The following DOK5 variants were observed in gnomAD, a reference collection of about 807,000 sequenced individuals.
DOK5 encodes downstream of tyrosine kinase 5.
DOK5 carries 27 observed loss-of-function variants against 43.3 expected under a neutral mutation model. That is an observed-to-expected ratio of 0.62 (90% confidence interval 0.46 to 0.86). The LOEUF (loss-of-function observed/expected upper bound fraction) is 0.86. Ranked by LOEUF, DOK5 falls within the 40% of genes least tolerant of loss-of-function variation. The pLI is 0.00. For missense variants in DOK5, 373 were observed against 392.9 expected, an observed-to-expected ratio of 0.95 and a Z score of 0.43; for synonymous variants, 146 against 140.1, an observed-to-expected ratio of 1.04 and a Z score of -0.30.
intron 6 of DOK5, among the ~76,000 whole-genome samples, chr20:54,642,395 C>T (rs1979161354): frequency 6.6e-6 from 1 of 152,002 alleles, no homozygotes; most frequent in African/African-American, 2.4e-5. Context: ...ACACCCAACA[C>T]AAGTCAGTTT....
chr20:54,566,124 C>A lies in DOK5; in HGVS notation c.174+11084C>A, dbSNP rs562948737. Among the ~76,000 whole-genome samples the A allele has an allele frequency of 5.3e-5, 8 of 150,906 alleles. No individual in the cohort carries two copies. The South Asian group carries it at 6.3e-4, about 12-fold the overall frequency. ...TCCCACCCCACCACCCCAGCAGGCACTAATTTGTTTCCCATTTCTACAGTT... is the reference window on the plus strand; with the variant it reads ...TCCCACCCCACCACCCCAGCAGGCAATAATTTGTTTCCCATTTCTACAGTT... On this transcript the variant is annotated intron_variant, in intron 2 of 7. Transcript: ENST00000262593.
chr20:54,475,616 G>T lies in DOK5; in HGVS notation c.-331G>T. ...TCCTTCTTCTCCTCCTTCTCGGCCG[G>T]GAGGAGGCAGGGCTGGATCCCTCAG... On this transcript the variant is annotated 5_prime_UTR_variant, in exon 1 of 8. Transcript: ENST00000262593. The surrounding 1 kb of genome is among the most constrained non-coding windows in gnomAD (Gnocchi z 4.2). The T allele has an allele frequency of 2.5e-6, 1 of 396,740 alleles. No individual in the cohort carries two copies. The highest frequency in any genetic ancestry group is 4.6e-6 in the Non-Finnish European group (1 of 219,512). The allele number at this position is 396,740 out of a possible 1,614,324, so 24.6% of individuals were successfully genotyped here.
At chr20:54,548,175 A>T (rs1031071212) in intron 1 of DOK5, among the ~76,000 whole-genome samples, 1 of 152,212 alleles carries the variant, frequency 6.6e-6, no homozygotes, top group African/African-American at 2.4e-5. Context: ...TCAACATGGA[A>T]GTTATACTAT....
intron 2 of DOK5, among the ~76,000 whole-genome samples, chr20:54,568,952 T>G (rs1179757350): frequency 1.9e-5 from 1 of 53,562 alleles, no homozygotes; most frequent in Non-Finnish European, 3.8e-5. Flanking sequence ...AATAAATAAA[T>G]AAACGTTTCT....
chr20:54,584,549 A>G (rs1043076642), intron 2 of DOK5, among the ~76,000 whole-genome samples: 3 of 151,152 alleles, frequency 2.0e-5, no homozygotes, highest in Non-Finnish European at 4.4e-5. Flanking sequence ...TTATCTTTTT[A>G]CTTCTATATC....
intron 1 of DOK5, among the ~76,000 whole-genome samples, chr20:54,520,341 G>T (rs1043611141): frequency 3.3e-5 from 5 of 152,082 alleles, no homozygotes; most frequent in Non-Finnish European, 7.4e-5. Flanking sequence ...TACCCCTGTT[G>T]TTTCCACTCT....
chr20:54,591,831 A>G (rs1985987053), intron 5 of DOK5, 26 bp downstream of exon 5: 2 of 1,595,228 alleles, frequency 1.3e-6, no homozygotes, highest in Non-Finnish European at 1.7e-6. Context: ...TTTAATGACT[A>G]TTTTTCTGTT....
At chr20:54,565,749 G>A (rs1214609954) in intron 2 of DOK5, among the ~76,000 whole-genome samples, 1 of 152,170 alleles carries the variant, frequency 6.6e-6, no homozygotes, top group South Asian at 2.1e-4. Context: ...ATGGTCGGGC[G>A]CAGTGGCTCA....
At chr20:54,489,454 T>C (rs1197304781) in intron 1 of DOK5, among the ~76,000 whole-genome samples, 2 of 152,144 alleles carry the variant, frequency 1.3e-5, no homozygotes, top group East Asian at 3.8e-4. Context: ...GCATGCAATT[T>C]ATACTTATAT....
At chr20:54,543,052 T>C (rs1984218463) in intron 1 of DOK5, among the ~76,000 whole-genome samples, 1 of 152,134 alleles carries the variant, frequency 6.6e-6, no homozygotes, top group Admixed American at 6.6e-5. Flanking sequence ...GAAATATAAA[T>C]ATTCCTGGTT....
intron 6 of DOK5, among the ~76,000 whole-genome samples, chr20:54,627,219 C>T (rs1401635541): frequency 6.6e-6 from 1 of 152,192 alleles, no homozygotes; most frequent in Non-Finnish European, 1.5e-5. Flanking sequence ...AAAACCAATA[C>T]CGCAACAATT....
chr20:54,633,098 AC>A (rs200782063), intron 6 of DOK5, among the ~76,000 whole-genome samples: 2 of 115,240 alleles, frequency 1.7e-5, no homozygotes, highest in African/African-American at 1.4e-4. Flanking sequence ...AAAACAAAAA[AC>A]AAAAAAAACA....
In DOK5 at chr20:54,532,255, A is replaced by C. The variant is rs1983800307; in HGVS notation, c.67-22678A>C. On this transcript the variant is annotated intron_variant, in intron 1 of 7. Transcript: ENST00000262593. Reference sequence around the variant, plus strand: ...CTCATGAAGGACAGAGAGGTTAAACAACCTGCCCAAGGCCACACTGCATGT... The same window carrying C: ...CTCATGAAGGACAGAGAGGTTAAACCACCTGCCCAAGGCCACACTGCATGT... Among the ~76,000 whole-genome samples the C allele has an allele frequency of 2.6e-5, 4 of 152,198 alleles. No individual in the cohort carries two copies. The South Asian group carries it at 8.3e-4, about 32-fold the overall frequency.
At chr20:54,579,296 G>T (rs1985555683) in intron 2 of DOK5, among the ~76,000 whole-genome samples, 1 of 151,896 alleles carries the variant, frequency 6.6e-6, no homozygotes, top group African/African-American at 2.4e-5. Context: ...AAAATACAAT[G>T]GATAGAAAAT....
intron 1 of DOK5, among the ~76,000 whole-genome samples, chr20:54,552,237 A>G (rs6014050): frequency 0.16 from 25,074 of 152,078 alleles, 2,500 homozygotes; most frequent in African/African-American, 0.29. Flanking sequence ...TCTTTTTCCA[A>G]TGCATTTTTA....
intron 1 of DOK5, among the ~76,000 whole-genome samples, chr20:54,480,922 TATCA>T (rs1419233404): frequency 1.6e-5 from 2 of 124,178 alleles, no homozygotes; most frequent in Non-Finnish European, 3.5e-5. Context: ...TCTATCTATC[TATCA>T]ATCATCTATC....
intron 2 of DOK5, among the ~76,000 whole-genome samples, chr20:54,578,862 A>G (rs1488808812): frequency 2.0e-5 from 3 of 152,190 alleles, no homozygotes. Context: ...CACAAGGAAA[A>G]CAAATGGCCC....
rs145378847 is a variant in DOK5 at position 54,506,866 on chromosome 20, C to T, written c.66+30854C>T. The stretch of plus-strand genomic sequence containing the variant: ...GATAGAGAAACACCTGGCGATCATA[C>T]GCGAGGTCACTGCTCTGAAGCAGTG... On this transcript the variant is annotated intron_variant, in intron 1 of 7. Transcript: ENST00000262593. Among the ~76,000 whole-genome samples, 518 of 152,280 alleles carry T rather than the reference C, an allele frequency of 3.4e-3. 3 individuals carry two copies. The highest frequency in any genetic ancestry group is 0.015 in the East Asian group (76 of 5,184).
chr20:54,524,796 C>G (rs1207872139), intron 1 of DOK5, among the ~76,000 whole-genome samples: 2 of 152,214 alleles, frequency 1.3e-5, no homozygotes, highest in Non-Finnish European at 2.9e-5. Flanking sequence ...TTCACTAAGA[C>G]AGTTTGCATG....
Sources: allele counts gnomAD v4.1 joint callset (sites outside exome capture counted in the v4.1 genomes callset), GRCh38; gene constraint gnomAD v4.1.1; non-coding constraint Gnocchi (gnomAD v3.1); transcripts MANE v1.5; gene names NCBI Gene and HGNC (gene_info 2026-07-23, HGNC 2026-07-21).